MX1: variants seen among roughly 807,000 people sequenced by gnomAD.
The protein encoded by MX1 is interferon-induced GTP-binding protein Mx1.
MX1 carries 66 observed loss-of-function variants against 66.4 expected under a neutral mutation model. The observed-to-expected ratio is 0.99, with a 90% CI of 0.82 to 1.22. The LOEUF is 1.22. Ranked by LOEUF, MX1 falls within the 50% of genes most tolerant of loss-of-function variation. The pLI, the probability that MX1 is intolerant of heterozygous loss-of-function variation, is 0.00. For missense variants in MX1, 787 were observed against 834.3 expected (o/e 0.94, Z 0.70); for synonymous variants, 311 against 318.1 (o/e 0.98, Z 0.24).
chr21:41,437,800 C>A (rs2090405599), intron 7 of MX1, among the ~76,000 whole-genome samples: 1 of 152,196 alleles, frequency 6.6e-6, no homozygotes, highest in African/African-American at 2.4e-5. Flanking sequence ...CCCCCTGTTC[C>A]TTTGTACAAG....
rs531102951 is a variant in MX1, at chr21:41,448,193, G to C, written c.1274-944G>C. Among the ~76,000 whole-genome samples the C allele has an allele frequency of 2.6e-5, 4 of 152,324 alleles. No homozygotes were observed. In the South Asian group the frequency reaches 6.2e-4, roughly 24 times the overall value. On this transcript the variant is annotated intron_variant, in intron 13 of 16. Coordinates refer to ENST00000398598, the MANE Select transcript of MX1 (RefSeq NM_002462.5). ...CTTCTGATGGGGCTAACTCTCTCTA[G>C]TGTGGATTGTTGGGAGTACAAATCA... is the stretch of plus-strand genomic sequence containing the variant.
intron 5 of MX1, among the ~76,000 whole-genome samples, chr21:41,433,191 T>C (rs774117748): frequency 2.0e-5 from 3 of 152,304 alleles, no homozygotes; most frequent in Non-Finnish European, 2.9e-5. Flanking sequence ...ACCTGGGAAG[T>C]TGACTGAAAT....
chr21:41,448,930 T>TTG lies in MX1; in HGVS notation c.1274-159_1274-158dup, dbSNP rs10528033. Among the ~76,000 whole-genome samples the TTG allele has an allele frequency of 1.0e-3, 144 of 139,610 alleles. 3 individuals carry two copies. In the Middle Eastern group the frequency reaches 0.018, roughly 18 times the overall value. The allele number at this position is 139,610 out of a possible 152,430, so 91.6% of individuals were successfully genotyped here. A position where few individuals can be genotyped will look rare whatever the true frequency, so the allele number is the denominator to read the frequency against. Reference sequence around the variant, plus strand: ...AGGAAAATTATCTTCAGATCTGGTTTTGTGTGTGTGTGTGTGTGTGTGTGT... The same window carrying TTG: ...AGGAAAATTATCTTCAGATCTGGTTTTGTGTGTGTGTGTGTGTGTGTGTGTGT... On this transcript the variant is annotated intron_variant, in intron 13 of 16. Coordinates refer to ENST00000398598, the MANE Select transcript of MX1 (RefSeq NM_002462.5).
intron 15 of MX1, among the ~76,000 whole-genome samples, chr21:41,451,863 A>G (rs909729874): frequency 2.2e-5 from 3 of 138,708 alleles, no homozygotes; most frequent in Admixed American, 7.1e-5. Flanking sequence ...AAACAAAAAA[A>G]CTTTCCATCC....
chr21:41,444,799 CTTGT>C (rs2146264111), intron 11 of MX1, among the ~76,000 whole-genome samples: 1 of 152,186 alleles, frequency 6.6e-6, no homozygotes, highest in South Asian at 2.1e-4. Flanking sequence ...GACAGATGCC[CTTGT>C]GGCTGAGCCG....
At chr21:41,442,573 T>C (rs2090551165) in intron 10 of MX1, 1 of 152,554 alleles carries the variant, frequency 6.6e-6, no homozygotes, top group South Asian at 2.1e-4. Flanking sequence ...GATGAGACTA[T>C]GTAGAGTTGT....
At chr21:41,427,531 AG>A (rs1360430608) in intron 2 of MX1, among the ~76,000 whole-genome samples, 2 of 152,044 alleles carry the variant, frequency 1.3e-5, no homozygotes, top group African/African-American at 4.8e-5. Context: ...TTATAAAAAA[AG>A]AAAAAACTAG....
intron 16 of MX1, among the ~76,000 whole-genome samples, chr21:41,453,300 CAG>C (rs1345475838): frequency 1.3e-5 from 2 of 152,214 alleles, no homozygotes; most frequent in Non-Finnish European, 2.9e-5. Flanking sequence ...CCTCCCACAA[CAG>C]GTGGGAATTA....
At chr21:41,457,212 T>G (rs948438308) in intron 16 of MX1, among the ~76,000 whole-genome samples, 1 of 152,202 alleles carries the variant, frequency 6.6e-6, no homozygotes, top group Non-Finnish European at 1.5e-5. Flanking sequence ...CAGGAAGAGC[T>G]TCTTGGTGAG....
chr21:41,449,115 A>G (rs1379927849), intron 13 of MX1, 22 bp from the exon 14 acceptor site: 3 of 1,560,048 alleles, frequency 1.9e-6, no homozygotes, highest in Non-Finnish European at 2.6e-6. Context: ...AATAATTTAG[A>G]GGGTTTTTTT....
chr21:41,436,945 CA>C, intron 6 of MX1, 69 bp from the exon 7 acceptor site: 1 of 1,557,514 alleles, frequency 6.4e-7, no homozygotes, highest in Non-Finnish European at 8.7e-7. Context: ...GTTTGAGAAC[CA>C]TGGGCCTAAG....
chr21:41,437,000 G>A lies in MX1; in HGVS notation c.299-15G>A, dbSNP rs1200210613. On this transcript the variant is annotated splice_polypyrimidine_tract_variant and intron_variant, in intron 6 of 16. Coordinates refer to ENST00000398598, the MANE Select transcript of MX1 (RefSeq NM_002462.5). Reference sequence around the variant, plus strand: ...AAGAGCAAAGTGGAGCACTGATGTGGGCGTGGCCTCCTAGGGATCGTGACC... The same window carrying A: ...AAGAGCAAAGTGGAGCACTGATGTGAGCGTGGCCTCCTAGGGATCGTGACC... 1 of 1,613,516 alleles carries A rather than the reference G, an allele frequency of 6.2e-7. No homozygotes were observed.
chr21:41,436,028 CG>C lies in MX1; in HGVS notation c.298+1del, dbSNP rs1568974347. 4 of 1,613,796 alleles carry C rather than the reference CG, an allele frequency of 2.5e-6. No individual in the cohort carries two copies. The East Asian group carries it at 6.7e-5, about 27-fold the overall frequency. On this transcript the variant is annotated frameshift_variant and splice_region_variant, in exon 6 of 17. Transcript: ENST00000398598. LOFTEE classifies it high-confidence loss of function. The part of the protein sequence containing the change: ...LSGVALPRGS[G>X]IVTRCPLVLK... ...CAGGAGTTGCCCTTCCCAGAGGCAG[CG>C]GTAAGAACTTACATTCTGTGTTAGT...
rs747889421 is a variant in MX1 at position 41,445,457 on chromosome 21, C to T, written c.1018C>T (p.Pro340Ser). The T allele has an allele frequency of 9.9e-6, 16 of 1,613,826 alleles. No homozygotes were observed. Among genetic ancestry groups the T allele is most frequent in the Non-Finnish European group, 1.1e-5 (13 of 1,179,868 alleles). Reference protein sequence around the residue: ...ELITHICKSLPLLENQIKETH... With the variant: ...ELITHICKSLSLLENQIKETH... The stretch of plus-strand genomic sequence containing the variant: ...TCTCCATTTTCCTCAGAAATCTCTG[C>T]CCCTGTTAGAAAATCAAATCAAGGA... Residue 340 changes from proline to serine, a missense_variant, in exon 12 of 17, where the codon CCC becomes TCC. Physicochemically the swap from Pro to Ser is moderately conservative, Grantham distance 74. Coordinates refer to ENST00000398598, the MANE Select transcript of MX1 (RefSeq NM_002462.5).
At chr21:41,447,732 C>CT (rs539762353) in intron 13 of MX1, among the ~76,000 whole-genome samples, 6 of 150,058 alleles carry the variant, frequency 4.0e-5, no homozygotes, top group South Asian at 2.1e-4. Context: ...CACCCATACA[C>CT]TTTTTTTTTT....
chr21:41,456,796 C>CT (rs2090970527), intron 16 of MX1, among the ~76,000 whole-genome samples: 1 of 152,058 alleles, frequency 6.6e-6, no homozygotes, highest in Non-Finnish European at 1.5e-5. Flanking sequence ...GAGTCTCACT[C>CT]TGTCGCCCAG....
At position 41,441,691 on chromosome 21, in the gene MX1, C is replaced by G; in HGVS notation, c.731-25C>G. 6.2e-7 allele frequency: 1 copy of G among 1,613,458 alleles called. No individual in the cohort carries two copies. The highest frequency in any genetic ancestry group is 1.3e-5 in the African/African-American group (1 of 75,048). Reference sequence around the variant, plus strand: ...TCTGCCTCGTGACTGAGCACGTTCTCTCCCCAAATACATCTGGCTCGCAGG... The same window carrying G: ...TCTGCCTCGTGACTGAGCACGTTCTGTCCCCAAATACATCTGGCTCGCAGG... On this transcript the variant is annotated intron_variant, in intron 9 of 16. Coordinates refer to ENST00000398598, the MANE Select transcript of MX1 (RefSeq NM_002462.5). The surrounding 1 kb of genome is among the most constrained non-coding windows in gnomAD (Gnocchi z 4.0).
chr21:41,434,642 A>G (rs926921407), intron 5 of MX1, among the ~76,000 whole-genome samples: 1 of 151,712 alleles, frequency 6.6e-6, no homozygotes, highest in Non-Finnish European at 1.5e-5. Context: ...TAATAAGTCA[A>G]CCTTCAAGTG....
In MX1 at chr21:41,458,807, G is replaced by C. The variant is rs201266256; in HGVS notation, c.*49G>C. On this transcript the variant is annotated 3_prime_UTR_variant, in exon 17 of 17. Coordinates refer to ENST00000398598, the MANE Select transcript of MX1 (RefSeq NM_002462.5). ...ACGTGCACGCACACTGTCTGCCCCC[G>C]TTCCCGGGTAGCCACTGGACTGACG... 3.8e-6 allele frequency: 6 copies of C among 1,573,312 alleles called. No individual in the cohort carries two copies. The East Asian group carries it at 1.1e-4, about 30-fold the overall frequency.
Sources: allele counts gnomAD v4.1 joint callset (sites outside exome capture counted in the v4.1 genomes callset), GRCh38; gene constraint gnomAD v4.1.1; non-coding constraint Gnocchi (gnomAD v3.1); transcripts MANE v1.5; gene names NCBI Gene and HGNC (gene_info 2026-07-23, HGNC 2026-07-21).